The following PPP2R2A variants were observed in gnomAD, a reference collection of about 807,000 sequenced individuals.
PPP2R2A encodes the protein serine/threonine-protein phosphatase 2A 55 kDa regulatory subunit B alpha isoform.
PPP2R2A carries 9 observed loss-of-function variants against 53.2 expected under a neutral mutation model. The ratio of observed to expected loss-of-function variants is 0.17; its 90% CI spans 0.10 to 0.30. The LOEUF (loss-of-function observed/expected upper bound fraction) is 0.30, where lower values mean the gene tolerates loss of function less well. PPP2R2A is among the 10% of genes least tolerant of loss of function. The pLI, the probability that PPP2R2A is intolerant of heterozygous loss-of-function variation, is 1.00. For missense variants in PPP2R2A, 235 were observed against 534.6 expected (o/e 0.44, Z 5.53); for synonymous variants, 169 against 174.2 (o/e 0.97, Z 0.23).
In PPP2R2A at chr8:26,311,631, T is replaced by C. The variant is rs139474942; in HGVS notation, c.82+17891T>C. On this transcript the variant is annotated intron_variant, in intron 2 of 9. Transcript: ENST00000380737. ...CTGTTGTGCACAGTGATCATGCCTG[T>C]GAACAACCACTGCACTCCAGTCTGG... Among the ~76,000 whole-genome samples the C allele has an allele frequency of 2.0e-5, 3 of 152,282 alleles. No individual in the cohort carries two copies. In the South Asian group the frequency reaches 6.2e-4, roughly 32 times the overall value.
At chr8:26,361,230 G>T in intron 6 of PPP2R2A, 79 bp downstream of exon 6, 1 of 1,399,262 alleles carries the variant, frequency 7.1e-7, no homozygotes, top group Non-Finnish European at 9.6e-7. Flanking sequence ...CTCTCCTAAT[G>T]AATTTGGTTG....
chr8:26,311,824 T>C (rs1482021736), intron 2 of PPP2R2A, among the ~76,000 whole-genome samples: 1 of 152,068 alleles, frequency 6.6e-6, no homozygotes, highest in Non-Finnish European at 1.5e-5. Context: ...AAGAGTAATA[T>C]AATTGGGTGG....
At chr8:26,316,958 C>T (rs1358344713) in intron 2 of PPP2R2A, among the ~76,000 whole-genome samples, 3 of 152,198 alleles carry the variant, frequency 2.0e-5, no homozygotes, top group Admixed American at 1.3e-4. Flanking sequence ...TTACTGATTG[C>T]AGGGCAACTA....
At chr8:26,364,483 A>G (rs150587217) in intron 8 of PPP2R2A, among the ~76,000 whole-genome samples, 34 of 152,328 alleles carry the variant, frequency 2.2e-4, no homozygotes, top group African/African-American at 7.7e-4. Context: ...CAAACAGAAG[A>G]GAATGAAGTA....
intron 2 of PPP2R2A, among the ~76,000 whole-genome samples, chr8:26,309,927 G>T (rs899693349): frequency 8.6e-5 from 13 of 152,028 alleles, no homozygotes; most frequent in Non-Finnish European, 1.6e-4. Flanking sequence ...TGGAAAAATT[G>T]AAGTTTTGCA....
At chr8:26,293,015 T>G (rs975014468) in intron 1 of PPP2R2A, 1 of 435,914 alleles carries the variant, frequency 2.3e-6, no homozygotes, top group South Asian at 6.5e-5. Flanking sequence ...GAGATGACAT[T>G]AGCAAAATGA....
chr8:26,319,373 A>G (rs1018421055), intron 2 of PPP2R2A, among the ~76,000 whole-genome samples: 3 of 152,122 alleles, frequency 2.0e-5, no homozygotes, highest in Admixed American at 6.6e-5. Flanking sequence ...TTAACTTTTT[A>G]GGAACAATCA....
chr8:26,337,586 G>A (rs772951047), intron 2 of PPP2R2A, among the ~76,000 whole-genome samples: 11 of 152,152 alleles, frequency 7.2e-5, no homozygotes, highest in Non-Finnish European at 1.2e-4. Flanking sequence ...GTACTTACTG[G>A]TGTTTGGCTT....
intron 2 of PPP2R2A, among the ~76,000 whole-genome samples, chr8:26,336,249 C>T (rs757497114): frequency 6.6e-6 from 1 of 151,974 alleles, no homozygotes; most frequent in Non-Finnish European, 1.5e-5. Flanking sequence ...CATGGCAACA[C>T]CCTGTCTATA....
chr8:26,362,028 A>G lies in PPP2R2A; in HGVS notation c.638-656A>G, dbSNP rs760380076. ...GATATTAAGATTAGATTAAGATTAG[A>G]TTAAGATTAATCTTAAGATTAGATT... On this transcript the variant is annotated intron_variant, in intron 6 of 9. Coordinates refer to ENST00000380737, the MANE Select transcript of PPP2R2A (RefSeq NM_002717.4). The surrounding 1 kb of genome is among the most constrained non-coding windows in gnomAD (Gnocchi z 4.4). Among the ~76,000 whole-genome samples the G allele has an allele frequency of 5.8e-5, 8 of 137,138 alleles. No homozygotes were observed. Among genetic ancestry groups the G allele is most frequent in the Non-Finnish European group, 1.3e-4 (8 of 63,292 alleles). 90.0% of individuals were successfully genotyped at this position (137,138 alleles called of 152,430 possible).
chr8:26,342,897 A>T (rs1466343358), intron 3 of PPP2R2A, among the ~76,000 whole-genome samples: 1 of 152,188 alleles, frequency 6.6e-6, no homozygotes, highest in Non-Finnish European at 1.5e-5. Context: ...TGTATTTAAA[A>T]TGCAGATTTC....
At position 26,325,202 on chromosome 8, in the gene PPP2R2A, C is replaced by G. The variant is rs912793247; in HGVS notation, c.83-13688C>G. ...CAAATCTCAACTTGAATTGTATCTC[C>G]CAGAATTCCCACATGTTGTTGTGGG... On this transcript the variant is annotated intron_variant, in intron 2 of 9. Transcript: ENST00000380737. Among the ~76,000 whole-genome samples the G allele has an allele frequency of 1.3e-5, 2 of 151,606 alleles. 1 individual carries two copies. The highest frequency in any genetic ancestry group is 4.9e-5 in the African/African-American group (2 of 41,210).
chr8:26,331,191 G>A (rs1052763654), intron 2 of PPP2R2A, among the ~76,000 whole-genome samples: 2 of 152,052 alleles, frequency 1.3e-5, no homozygotes. Context: ...TGCTGTCTTG[G>A]TGCTTCCAGT....
At chr8:26,363,639 G>A in intron 7 of PPP2R2A, 82 bp from the exon 8 acceptor site, 3 of 1,249,720 alleles carry the variant, frequency 2.4e-6, no homozygotes, top group Non-Finnish European at 3.2e-6. Context: ...GGGAGTTTGT[G>A]AATGGTTGTT....
chr8:26,312,778 G>A lies in PPP2R2A; in HGVS notation c.82+19038G>A, dbSNP rs560835678. On this transcript the variant is annotated intron_variant, in intron 2 of 9. Transcript: ENST00000380737. ...AAATTTTTATCTTTGCCATTTTTCT[G>A]TTTGCTTCCTTACCCTTGAGGCACC... Among the ~76,000 whole-genome samples, 17 of 152,158 alleles carry A rather than the reference G, an allele frequency of 1.1e-4. No individual in the cohort carries two copies. In the South Asian group the frequency reaches 2.7e-3, roughly 24 times the overall value.
chr8:26,365,123 A>G (rs1805301627), intron 8 of PPP2R2A: 1 of 152,370 alleles, frequency 6.6e-6, no homozygotes, highest in African/African-American at 2.4e-5. Flanking sequence ...ATGTTGCTAA[A>G]TTATGATAAT....
chr8:26,334,076 A>C (rs1803526691), intron 2 of PPP2R2A, among the ~76,000 whole-genome samples: 1 of 152,152 alleles, frequency 6.6e-6, no homozygotes, highest in South Asian at 2.1e-4. Flanking sequence ...TTTGGAAGTC[A>C]ATGTGTATCT....
chr8:26,356,867 C>T (rs1045355744), intron 4 of PPP2R2A, among the ~76,000 whole-genome samples: 5 of 152,192 alleles, frequency 3.3e-5, no homozygotes, highest in East Asian at 3.8e-4. Context: ...ATTTGTGTCT[C>T]GGATCCTTCC....
At chr8:26,349,746 G>A (rs1211390252) in intron 3 of PPP2R2A, among the ~76,000 whole-genome samples, 2 of 152,074 alleles carry the variant, frequency 1.3e-5, no homozygotes, top group Non-Finnish European at 2.9e-5. Flanking sequence ...TTATGAGCCT[G>A]TCTTATTAAT....
Sources: allele counts gnomAD v4.1 joint callset (sites outside exome capture counted in the v4.1 genomes callset), GRCh38; gene constraint gnomAD v4.1.1; non-coding constraint Gnocchi (gnomAD v3.1); transcripts MANE v1.5; gene names NCBI Gene and HGNC (gene_info 2026-07-23, HGNC 2026-07-21).